CHCHD3: variants seen among roughly 807,000 people sequenced by gnomAD.
The protein encoded by CHCHD3 is MICOS complex subunit MIC19.
Under a neutral mutation model 38.2 loss-of-function variants are expected in CHCHD3, and 20 were observed. The ratio of observed to expected loss-of-function variants is 0.52; its 90% CI spans 0.37 to 0.76. The LOEUF is 0.76. Ranked by LOEUF, CHCHD3 falls within the 30% of genes least tolerant of loss-of-function variation. The pLI, the probability that CHCHD3 is intolerant of heterozygous loss-of-function variation, is 0.00. For synonymous variants in CHCHD3, 82 were observed against 100.0 expected (o/e 0.82, Z 1.07); for missense variants, 245 against 279.2 (o/e 0.88, Z 0.87).
At chr7:132,845,122 G>A (rs1416651135) in intron 5 of CHCHD3, 1 of 152,184 alleles carries the variant, frequency 6.6e-6, no homozygotes, top group African/African-American at 2.4e-5. Flanking sequence ...GCCAAATCAT[G>A]GCCCTACCCT....
At chr7:132,854,640 T>C (rs751311164) in intron 5 of CHCHD3, among the ~76,000 whole-genome samples, 1 of 152,346 alleles carries the variant, frequency 6.6e-6, no homozygotes, top group South Asian at 2.1e-4. Flanking sequence ...CTATTTATTA[T>C]TGGTATCTCT....
At chr7:133,026,191 TAA>T (rs995246242) in intron 2 of CHCHD3, among the ~76,000 whole-genome samples, 2 of 151,994 alleles carry the variant, frequency 1.3e-5, no homozygotes, top group African/African-American at 4.8e-5. Context: ...AGACAAATAA[TAA>T]AAAGACAACT....
intron 5 of CHCHD3, among the ~76,000 whole-genome samples, chr7:132,857,591 A>G (rs1044039618): frequency 6.6e-6 from 1 of 152,004 alleles, no homozygotes; most frequent in Non-Finnish European, 1.5e-5. Flanking sequence ...TATTTTTAAT[A>G]GAGATGGGGT....
At chr7:132,985,427 C>T (rs1173856249) in intron 3 of CHCHD3, among the ~76,000 whole-genome samples, 2 of 64,744 alleles carry the variant, frequency 3.1e-5, no homozygotes, top group Admixed American at 1.7e-4. Flanking sequence ...AGGTGAGGGG[C>T]GCCTCTGCCC....
chr7:132,967,369 G>A (rs1054029631), intron 4 of CHCHD3, among the ~76,000 whole-genome samples: 22 of 152,168 alleles, frequency 1.4e-4, no homozygotes, highest in African/African-American at 5.1e-4. Context: ...TGACTGGATA[G>A]GCCCCCAGAG....
At chr7:132,965,262 A>G (rs190120829) in intron 4 of CHCHD3, among the ~76,000 whole-genome samples, 82 of 152,244 alleles carry the variant, frequency 5.4e-4, no homozygotes, top group Non-Finnish European at 9.3e-4. Flanking sequence ...AATTTGCTAA[A>G]TTGTGCCCAA....
chr7:132,796,057 C>T (rs1225883972), intron 7 of CHCHD3, among the ~76,000 whole-genome samples: 3 of 152,112 alleles, frequency 2.0e-5, no homozygotes, highest in Non-Finnish European at 4.4e-5. Flanking sequence ...CTCTGCCTAC[C>T]TACGGCTTAT....
At chr7:133,034,299 T>C (rs1813584918) in intron 2 of CHCHD3, among the ~76,000 whole-genome samples, 1 of 152,158 alleles carries the variant, frequency 6.6e-6, no homozygotes. Context: ...GAGATTCCTT[T>C]TTGAAATTAA....
intron 4 of CHCHD3, among the ~76,000 whole-genome samples, chr7:132,918,016 T>C (rs1185313335): frequency 6.6e-6 from 1 of 152,012 alleles, no homozygotes; most frequent in South Asian, 2.1e-4. Context: ...AGAAAAGACA[T>C]AGGGACAACA....
At chr7:132,817,918 A>G (rs1160327780) in intron 6 of CHCHD3, among the ~76,000 whole-genome samples, 1 of 151,934 alleles carries the variant, frequency 6.6e-6, no homozygotes, top group Non-Finnish European at 1.5e-5. Flanking sequence ...TAAAAATAAA[A>G]GAAAGAAAGA....
intron 6 of CHCHD3, among the ~76,000 whole-genome samples, chr7:132,817,640 C>T (rs540489576): frequency 9.2e-5 from 14 of 152,190 alleles, no homozygotes; most frequent in African/African-American, 2.9e-4. Flanking sequence ...GGTAATTACT[C>T]GATCACTGAC....
In CHCHD3 at chr7:132,928,564, G is replaced by A. The variant is rs1562911082; in HGVS notation, c.370-42819C>T. On this transcript the variant is annotated intron_variant, in intron 4 of 7. Coordinates refer to ENST00000262570, the MANE Select transcript of CHCHD3 (RefSeq NM_017812.4). ...ATACAAAAATTAGCCAGGCATGGTG[G>A]TGCATGCCTGTAATCCCAGCTACTG... Among the ~76,000 whole-genome samples the A allele has an allele frequency of 2.6e-5, 4 of 152,200 alleles. No homozygotes were observed. The East Asian group carries it at 5.8e-4, about 22-fold the overall frequency.
chr7:132,791,991 T>C (rs567073483), intron 7 of CHCHD3, among the ~76,000 whole-genome samples: 61 of 152,284 alleles, frequency 4.0e-4, no homozygotes, highest in African/African-American at 1.4e-3. Flanking sequence ...ACTAACTGTT[T>C]GCGTGGCTAC....
rs1813609995 is a variant in CHCHD3, at chr7:133,034,751, C to G, written c.170-10124G>C. The G allele has an allele frequency of 5.0e-6, 8 of 1,613,546 alleles. No homozygotes were observed. The East Asian group carries it at 1.8e-4, about 36-fold the overall frequency. ...ATGTGTATGACTCGTAGTCCACCTG[C>G]CAATCTGGACTCAGCGGAAAGGCAA... On this transcript the variant is annotated intron_variant, in intron 2 of 7. Transcript: ENST00000262570.
At chr7:132,984,052 G>A (rs1459302712) in intron 3 of CHCHD3, among the ~76,000 whole-genome samples, 2 of 137,888 alleles carry the variant, frequency 1.5e-5, no homozygotes, top group African/African-American at 5.4e-5. Flanking sequence ...CTCTCCCCAT[G>A]GTCTCCCTCT....
intron 5 of CHCHD3, among the ~76,000 whole-genome samples, chr7:132,844,037 C>T (rs754937849): frequency 4.6e-5 from 7 of 152,220 alleles, no homozygotes; most frequent in Non-Finnish European, 8.8e-5. Flanking sequence ...AAGTGGCTCA[C>T]GCCTGTAATC....
At chr7:133,042,518 A>C (rs1813861829) in intron 2 of CHCHD3, among the ~76,000 whole-genome samples, 1 of 152,226 alleles carries the variant, frequency 6.6e-6, no homozygotes, top group African/African-American at 2.4e-5. Context: ...TCATCATTAT[A>C]ATCAACTCTG....
chr7:132,914,121 GGCGTGTGTGT>G (rs1810038851), intron 4 of CHCHD3, among the ~76,000 whole-genome samples: 3 of 114,016 alleles, frequency 2.6e-5, no homozygotes, highest in African/African-American at 1.1e-4. Context: ...CACCATGCCT[GGCGTGTGTGT>G]GTGTGTGTGT....
intron 4 of CHCHD3, among the ~76,000 whole-genome samples, chr7:132,908,068 T>A (rs963893861): frequency 6.6e-6 from 1 of 151,702 alleles, no homozygotes; most frequent in Non-Finnish European, 1.5e-5. Flanking sequence ...ATTTAAGAGA[T>A]CAGTCACGCT....
Sources: gnomAD v4.1 joint callset for allele counts (sites outside exome capture counted in the v4.1 genomes callset) on GRCh38, gnomAD v4.1.1 for gene constraint, MANE v1.5 for transcripts, NCBI Gene and HGNC (gene_info 2026-07-23, HGNC 2026-07-21) for gene names.